The following ACADM variants were observed in gnomAD, a reference collection of about 807,000 sequenced individuals.
ACADM encodes the protein acyl-CoA dehydrogenase medium chain.
ACADM carries 49 observed loss-of-function variants against 58.9 expected under a neutral mutation model. The ratio of observed to expected loss-of-function variants is 0.83; its 90% confidence interval spans 0.66 to 1.06. The LOEUF (loss-of-function observed/expected upper bound fraction) is 1.06, where lower values mean the gene tolerates loss of function less well. Ranked by LOEUF, ACADM falls within the 50% of genes least tolerant of loss-of-function variation. The probability of loss-of-function intolerance (pLI) is 0.00; values close to 1 mark genes in which losing one functional copy is unlikely to be tolerated. For missense variants in ACADM, 496 were observed against 507.0 expected (o/e 0.98, Z 0.21); for synonymous variants, 160 against 157.7 (o/e 1.01, Z -0.11).
At chr1:75,757,128 C>G (rs1648552104) in intron 10 of ACADM, among the ~76,000 whole-genome samples, 1 of 152,128 alleles carries the variant, frequency 6.6e-6, no homozygotes, top group Non-Finnish European at 1.5e-5. Flanking sequence ...TAGGCAGTAC[C>G]ATTCAGGACA....
chr1:75,753,066 C>T (rs1312564413), intron 10 of ACADM, among the ~76,000 whole-genome samples: 2 of 152,198 alleles, frequency 1.3e-5, no homozygotes, highest in African/African-American at 2.4e-5. Context: ...GTGTGAGACC[C>T]TGTCTCAAAA....
At position 75,749,551 on chromosome 1, in the gene ACADM, A is replaced by G; in HGVS notation, c.841A>G (p.Arg281Gly). The G allele has an allele frequency of 6.2e-7, 1 of 1,613,944 alleles. No homozygotes were observed. Among genetic ancestry groups the G allele is most frequent in the Non-Finnish European group, 8.5e-7 (1 of 1,179,824 alleles). ...KVAMGAFDKTRPVVAAGAVGL... is the reference protein window; with the variant it reads ...KVAMGAFDKTGPVVAAGAVGL... ...TGCAATGGGAGCTTTTGATAAAACC[A>G]GACCTGTAGTAAGTAATATGGGTTC... The change falls in exon 9 of 12, where the codon AGA becomes GGA. Residue 281 changes from arginine (R) to glycine (G), a missense_variant. Arg to Gly is a moderately radical substitution (Grantham distance 125, BLOSUM62 -2). Coordinates refer to ENST00000370841, the MANE Select transcript of ACADM (RefSeq NM_000016.6).
At chr1:75,734,905 T>G in intron 6 of ACADM, 34 bp downstream of exon 6, 2 of 1,498,024 alleles carry the variant, frequency 1.3e-6, no homozygotes, top group Non-Finnish European at 1.9e-6. Context: ...TATTTCACAC[T>G]TAAGAAGGGA....
intron 8 of ACADM, among the ~76,000 whole-genome samples, chr1:75,747,481 A>G (rs1647963869): frequency 6.6e-6 from 1 of 152,192 alleles, no homozygotes; most frequent in Non-Finnish European, 1.5e-5. Flanking sequence ...ATATTTACAA[A>G]TTTGTGAAAT....
At chr1:75,726,541 A>T (rs1332233382) in intron 1 of ACADM, among the ~76,000 whole-genome samples, 2 of 152,228 alleles carry the variant, frequency 1.3e-5, no homozygotes, top group Non-Finnish European at 2.9e-5. Context: ...CAGAAAGATC[A>T]GTATAGCAAG....
chr1:75,742,399 C>A (rs1326730468), intron 7 of ACADM, among the ~76,000 whole-genome samples: 1 of 152,196 alleles, frequency 6.6e-6, no homozygotes, highest in East Asian at 1.9e-4. Flanking sequence ...CAGTCCACGT[C>A]CTCCAAATCT....
chr1:75,743,969 A>G (rs993546505), intron 7 of ACADM: 20 of 1,553,494 alleles, frequency 1.3e-5, no homozygotes, highest in Non-Finnish European at 1.7e-5. Flanking sequence ...TTCTTCAAAA[A>G]AGCCTCTTTG....
chr1:75,724,965 T>A, intron 1 of ACADM, 148 bp downstream of exon 1: 1 of 629,238 alleles, frequency 1.6e-6, no homozygotes, highest in Non-Finnish European at 2.4e-6. Context: ...CAACCTGCTT[T>A]CACGCCTCCT....
intron 7 of ACADM, chr1:75,743,721 C>T: frequency 6.6e-7 from 1 of 1,513,832 alleles, no homozygotes; most frequent in Non-Finnish European, 9.2e-7. Context: ...TTCGGGCCTT[C>T]TCTCCCAGTT....
Position 75,751,371 on chromosome 1 carries a change from C to G in ACADM, c.945+825C>G, listed in dbSNP as rs141209879. On this transcript the variant is annotated intron_variant, in intron 10 of 11. Transcript: ENST00000370841. ...GAAAATATATATATATTTTCTGATT[C>G]TCTCAGTAACCCTTTTTTGGGTGGT... Among the ~76,000 whole-genome samples, 908 of 152,012 alleles carry G rather than the reference C, an allele frequency of 6.0e-3. 12 individuals carry two copies. The highest frequency in any genetic ancestry group is 0.021 in the African/African-American group (874 of 41,480).
chr1:75,747,289 A>G (rs1430439290), intron 8 of ACADM, among the ~76,000 whole-genome samples: 1 of 152,076 alleles, frequency 6.6e-6, no homozygotes, highest in African/African-American at 2.4e-5. Flanking sequence ...CTTAAAAAAA[A>G]ATCTACTTCA....
intron 6 of ACADM, among the ~76,000 whole-genome samples, chr1:75,735,364 A>G (rs1044048039): frequency 1.4e-5 from 2 of 147,300 alleles, no homozygotes; most frequent in Non-Finnish European, 3.0e-5. Flanking sequence ...TTTGTTGCTT[A>G]TTTCCAGGAG....
At chr1:75,759,338 C>T (rs1648691363) in intron 10 of ACADM, among the ~76,000 whole-genome samples, 1 of 152,224 alleles carries the variant, frequency 6.6e-6, no homozygotes, top group Admixed American at 6.5e-5. Context: ...CTGAAACTCC[C>T]AACCCTCTAA....
In ACADM at chr1:75,761,159, TG is replaced by T. The variant is rs747610156; in HGVS notation, c.984del (p.Met328IlefsTer5). 8 of 1,614,096 alleles carry T rather than the reference TG, an allele frequency of 5.0e-6. No homozygotes were observed. In the South Asian group the frequency reaches 8.8e-5, roughly 18 times the overall value. ...AISFMLAEMA[M>X]KVELARMSYQ... ...TCATTTATGCTGGCTGAAATGGCAA[TG>T]AAAGTTGAACTAGCTAGAATGAGTT... On this transcript the variant is annotated frameshift_variant, in exon 11 of 12. Coordinates refer to ENST00000370841, the MANE Select transcript of ACADM (RefSeq NM_000016.6). LOFTEE classifies it high-confidence loss of function.
At chr1:75,733,499 C>G (rs1647186820) in intron 4 of ACADM, 29 bp from the exon 5 acceptor site, 1 of 1,544,438 alleles carries the variant, frequency 6.5e-7, no homozygotes, top group East Asian at 2.2e-5. Context: ...CTACATATTA[C>G]AATGTGTTGA....
chr1:75,747,109 A>T (rs2100411791), intron 8 of ACADM, among the ~76,000 whole-genome samples: 1 of 152,372 alleles, frequency 6.6e-6, no homozygotes, highest in East Asian at 1.9e-4. Context: ...TTTTATTTGT[A>T]TAACAGATCA....
At chr1:75,750,586 A>G (rs927002397) in intron 10 of ACADM, 40 bp downstream of exon 10, 6 of 1,270,588 alleles carry the variant, frequency 4.7e-6, no homozygotes, top group South Asian at 3.7e-5. Flanking sequence ...ATGTAAAGAC[A>G]CTCATTTTCA....
intron 10 of ACADM, among the ~76,000 whole-genome samples, chr1:75,757,764 T>C (rs1570904394): frequency 1.3e-5 from 2 of 152,184 alleles, no homozygotes; most frequent in Non-Finnish European, 2.9e-5. Context: ...ACCAAAGATG[T>C]AGGAGGATTT....
chr1:75,725,221 C>A (rs1297671494), intron 1 of ACADM, among the ~76,000 whole-genome samples: 4 of 150,258 alleles, frequency 2.7e-5, no homozygotes. Context: ...TTCGTTGTAA[C>A]GTTTCCACGT....
Sources: allele counts gnomAD v4.1 joint callset (sites outside exome capture counted in the v4.1 genomes callset), GRCh38; gene constraint gnomAD v4.1.1; transcripts MANE v1.5; gene names NCBI Gene and HGNC (gene_info 2026-07-23, HGNC 2026-07-21).